GPR39: variants seen among roughly 807,000 people sequenced by gnomAD.
GPR39 encodes the protein zinc sensing receptor.
A neutral mutation model predicts 18.4 loss-of-function variants in GPR39; 23 were observed. The ratio of observed to expected loss-of-function variants is 1.25; its 90% CI spans 0.90 to 1.77. The LOEUF is 1.77. GPR39 is among the 40% of genes most tolerant of loss of function. The pLI is 0.00. For synonymous variants in GPR39, 280 were observed against 257.9 expected, an observed-to-expected ratio of 1.09 and a Z score of -0.82; for missense variants, 647 against 602.4, an observed-to-expected ratio of 1.07 and a Z score of -0.78.
At chr2:132,543,389 A>G (rs1217447474) in intron 1 of GPR39, among the ~76,000 whole-genome samples, 2 of 152,186 alleles carry the variant, frequency 1.3e-5, no homozygotes, top group Admixed American at 1.3e-4. Context: ...CAAGTCCCCT[A>G]TGCAAGTTCC....
chr2:132,430,009 G>A (rs1443128388), intron 1 of GPR39, among the ~76,000 whole-genome samples: 2 of 152,236 alleles, frequency 1.3e-5, no homozygotes, highest in East Asian at 3.9e-4. Context: ...GAGGCCATGG[G>A]AGCCATGGAA....
intron 1 of GPR39, among the ~76,000 whole-genome samples, chr2:132,423,799 G>A (rs1680064399): frequency 6.6e-6 from 1 of 152,160 alleles, no homozygotes; most frequent in South Asian, 2.1e-4. Flanking sequence ...ATTCCTTGTG[G>A]ATAGGTGCAT....
chr2:132,461,340 C>T (rs1315147750), intron 1 of GPR39, among the ~76,000 whole-genome samples: 1 of 152,170 alleles, frequency 6.6e-6, no homozygotes, highest in African/African-American at 2.4e-5. Context: ...CCTAGACTTG[C>T]TAGCTGCCTA....
intron 1 of GPR39, among the ~76,000 whole-genome samples, chr2:132,573,278 T>C (rs1327638119): frequency 2.0e-5 from 3 of 152,202 alleles, no homozygotes; most frequent in Non-Finnish European, 4.4e-5. Flanking sequence ...CTTCCTCTAT[T>C]TTTCCCTCTG....
chr2:132,451,764 T>A (rs1232159356), intron 1 of GPR39, among the ~76,000 whole-genome samples: 1 of 152,204 alleles, frequency 6.6e-6, no homozygotes, highest in Admixed American at 6.6e-5. Flanking sequence ...GATAATACAG[T>A]AGCTTCTTCC....
rs549010848 is a variant in GPR39, at chr2:132,532,715, C to A, written c.857-112386C>A. On this transcript the variant is annotated intron_variant, in intron 1 of 1. Coordinates refer to ENST00000329321, the MANE Select transcript of GPR39 (RefSeq NM_001508.3). ...CATACGAAAATCAATAAACATAATCCGGCATATAAACAGAACCAAAGACAA... is the reference window on the plus strand; with the variant it reads ...CATACGAAAATCAATAAACATAATCAGGCATATAAACAGAACCAAAGACAA... 2.6e-5 allele frequency among the ~76,000 whole-genome samples: 4 copies of A among 152,092 alleles called. No homozygotes were observed. The South Asian group carries it at 8.3e-4, about 32-fold the overall frequency.
chr2:132,642,893 AC>A (rs1255160975), intron 1 of GPR39, among the ~76,000 whole-genome samples: 1 of 152,168 alleles, frequency 6.6e-6, no homozygotes, highest in African/African-American at 2.4e-5. Flanking sequence ...AAAATGCAAA[AC>A]TTTGTGAAAA....
intron 1 of GPR39, among the ~76,000 whole-genome samples, chr2:132,595,085 G>T (rs914285240): frequency 6.6e-6 from 1 of 152,102 alleles, no homozygotes. Flanking sequence ...TGCAGCCTCC[G>T]CCGCACAGGC....
intron 1 of GPR39, among the ~76,000 whole-genome samples, chr2:132,564,969 A>G (rs1031821298): frequency 2.0e-5 from 3 of 151,568 alleles, no homozygotes; most frequent in Non-Finnish European, 4.4e-5. Context: ...GGCACCTGCC[A>G]CCATGCCTGG....
At chr2:132,475,181 C>T (rs1397248587) in intron 1 of GPR39, among the ~76,000 whole-genome samples, 4 of 152,052 alleles carry the variant, frequency 2.6e-5, no homozygotes, top group African/African-American at 7.3e-5. Context: ...TCATGTCAAT[C>T]ACCATCCCCA....
chr2:132,586,172 C>G (rs1321107245), intron 1 of GPR39, among the ~76,000 whole-genome samples: 1 of 151,980 alleles, frequency 6.6e-6, no homozygotes, highest in Non-Finnish European at 1.5e-5. Context: ...GGTAAAGTAT[C>G]TGCGCTGTCT....
intron 1 of GPR39, among the ~76,000 whole-genome samples, chr2:132,595,691 C>G (rs1680932166): frequency 6.6e-6 from 1 of 152,090 alleles, no homozygotes; most frequent in South Asian, 2.1e-4. Flanking sequence ...AGCATTTACC[C>G]TTCATTCTGG....
At chr2:132,494,319 A>G (rs1681597300) in intron 1 of GPR39, among the ~76,000 whole-genome samples, 1 of 152,136 alleles carries the variant, frequency 6.6e-6, no homozygotes, top group African/African-American at 2.4e-5. Flanking sequence ...TCTCCTTTCA[A>G]CTAATGACAT....
At position 132,417,212 on chromosome 2, in the gene GPR39, T is replaced by A. The variant is rs770661284; in HGVS notation, c.170T>A (p.Val57Glu). ...AGCGCCACCATTCGGGTCACCCAGG[T>A]GCTGCAGAAGAAAGGATACTTGCAG... Reference protein sequence around the residue: ...GNSATIRVTQVLQKKGYLQKE... With the variant: ...GNSATIRVTQELQKKGYLQKE... The change falls in exon 1 of 2, where the codon GTG (valine) becomes GAG (glutamate). Residue 57 changes from valine (V) to glutamate (E), a missense_variant. By Grantham distance (121) the Val-to-Glu change is moderately radical (BLOSUM62 -2). Around this residue, in one of 3 missense-constraint regions of GPR39, gnomAD observed 61 missense variants for 79.2 expected, o/e 0.77. Coordinates refer to ENST00000329321, the MANE Select transcript of GPR39 (RefSeq NM_001508.3). 6.8e-6 allele frequency: 11 copies of A among 1,614,092 alleles called. No individual in the cohort carries two copies. The highest frequency in any genetic ancestry group is 9.3e-6 in the Non-Finnish European group (11 of 1,180,024).
chr2:132,578,241 C>T (rs886785006), intron 1 of GPR39, among the ~76,000 whole-genome samples: 1 of 151,982 alleles, frequency 6.6e-6, no homozygotes, highest in Non-Finnish European at 1.5e-5. Context: ...ACGCTTACTG[C>T]TCATGATGCA....
chr2:132,460,843 C>T (rs758858599), intron 1 of GPR39, among the ~76,000 whole-genome samples: 6 of 152,082 alleles, frequency 3.9e-5, no homozygotes, highest in Non-Finnish European at 8.8e-5. Context: ...AACCCCAGAG[C>T]ACAGCCAGCT....
chr2:132,605,039 G>C (rs1681109487), intron 1 of GPR39: 1 of 152,170 alleles, frequency 6.6e-6, no homozygotes. Flanking sequence ...GGTACTGTTT[G>C]CCTTATTTTA....
chr2:132,628,317 C>T (rs1453615015), intron 1 of GPR39, among the ~76,000 whole-genome samples: 1 of 152,098 alleles, frequency 6.6e-6, no homozygotes, highest in African/African-American at 2.4e-5. Flanking sequence ...ATTTGGTTTC[C>T]TATGTCTTTC....
intron 1 of GPR39, among the ~76,000 whole-genome samples, chr2:132,444,367 T>C (rs569110195): frequency 1.3e-5 from 2 of 152,244 alleles, no homozygotes; most frequent in African/African-American, 4.8e-5. Flanking sequence ...TCATAGCTCA[T>C]AGTCGCCTCA....
Sources: gnomAD v4.1 joint callset for allele counts (sites outside exome capture counted in the v4.1 genomes callset) on GRCh38, gnomAD v4.1.1 for gene constraint, gnomAD v4.1.1 regional missense constraint, MANE v1.5 for transcripts, NCBI Gene and HGNC (gene_info 2026-07-23, HGNC 2026-07-21) for gene names.